Variants in TYW1B observed in about 807,000 individuals in gnomAD.
TYW1B encodes the protein tRNA-yW synthesizing protein 1 homolog B.
In TYW1B, 73 loss-of-function variants were observed where a neutral mutation model predicts 86.9. The ratio of observed to expected loss-of-function variants is 0.84; its 90% confidence interval spans 0.70 to 1.02. The LOEUF is 1.02. Ranked by LOEUF, TYW1B falls within the 50% of genes least tolerant of loss-of-function variation. TYW1B has a pLI of 0.00. For missense variants in TYW1B, 637 were observed against 827.4 expected (o/e 0.77, Z 2.82); for synonymous variants, 248 against 292.8 (o/e 0.85, Z 1.56).
chr7:72,773,179 GA>G (rs1378810397), intron 7 of TYW1B, among the ~76,000 whole-genome samples: 4 of 152,014 alleles, frequency 2.6e-5, no homozygotes, highest in African/African-American at 9.7e-5. Context: ...TTTAGGTAAA[GA>G]AAAAAACTGT....
chr7:72,690,917 G>GT (rs1554450219), intron 11 of TYW1B, among the ~76,000 whole-genome samples: 2 of 151,784 alleles, frequency 1.3e-5, no homozygotes, highest in East Asian at 1.9e-4. Flanking sequence ...CTGGCTAATT[G>GT]TTTTTTTGTA....
At chr7:72,587,867 A>G (rs1457976159) in intron 13 of TYW1B, among the ~76,000 whole-genome samples, 1 of 152,192 alleles carries the variant, frequency 6.6e-6, no homozygotes, top group African/African-American at 2.4e-5. Context: ...ATGAAGAAGG[A>G]CAGCTTGGGG....
intron 13 of TYW1B, among the ~76,000 whole-genome samples, chr7:72,612,292 A>G (rs1563029752): frequency 6.6e-6 from 1 of 152,184 alleles, no homozygotes; most frequent in Non-Finnish European, 1.5e-5. Flanking sequence ...CTGGGACAAA[A>G]AGTAGAATTC....
intron 8 of TYW1B, among the ~76,000 whole-genome samples, chr7:72,741,256 C>G (rs1787300269): frequency 6.6e-6 from 1 of 151,958 alleles, no homozygotes; most frequent in Non-Finnish European, 1.5e-5. Flanking sequence ...CTAAACAAAT[C>G]CAGAATATCA....
intron 12 of TYW1B, among the ~76,000 whole-genome samples, chr7:72,618,343 A>G (rs1812130540): frequency 6.7e-6 from 1 of 149,664 alleles, no homozygotes; most frequent in Non-Finnish European, 1.5e-5. Context: ...TAGCCTCCCA[A>G]GTAGCTGGGA....
intron 11 of TYW1B, among the ~76,000 whole-genome samples, chr7:72,632,056 G>A (rs1554439846): frequency 6.6e-6 from 1 of 151,548 alleles, no homozygotes; most frequent in Non-Finnish European, 1.5e-5. Context: ...CAGCACATTG[G>A]AAGGCCAAGA....
intron 11 of TYW1B, among the ~76,000 whole-genome samples, chr7:72,643,994 A>G (rs1290560745): frequency 2.6e-5 from 4 of 152,194 alleles, no homozygotes; most frequent in Non-Finnish European, 4.4e-5. Flanking sequence ...AACATCTTTT[A>G]AATAATAGTA....
At position 72,619,684 on chromosome 7, in the gene TYW1B, A is replaced by G. The variant is rs571049107; in HGVS notation, c.1618-2845T>C. 2.0e-5 allele frequency among the ~76,000 whole-genome samples: 3 copies of G among 151,926 alleles called. No homozygotes were observed. In the East Asian group the frequency reaches 5.8e-4, roughly 29 times the overall value. ...AAAAAAAAGAAATCATTACGAAAGC[A>G]TGGCTGAAAAACTGCTAGCCTTACC... is the stretch of plus-strand genomic sequence containing the variant. On this transcript the variant is annotated intron_variant, in intron 12 of 13. Coordinates refer to ENST00000620995, the MANE Select transcript of TYW1B (RefSeq NM_001145440.3).
intron 13 of TYW1B, among the ~76,000 whole-genome samples, chr7:72,604,143 T>C (rs1471563319): frequency 6.6e-6 from 1 of 152,114 alleles, no homozygotes; most frequent in African/African-American, 2.4e-5. Flanking sequence ...CAAAAACTTC[T>C]GTAAAACATA....
intron 2 of TYW1B, among the ~76,000 whole-genome samples, chr7:72,821,855 A>C (rs1313684612): frequency 3.3e-5 from 5 of 152,152 alleles, no homozygotes; most frequent in Non-Finnish European, 4.4e-5. Context: ...GTTTTGAGCA[A>C]ACTGATGTTA....
At position 72,782,161 on chromosome 7, in the gene TYW1B, T is replaced by C. The variant is rs1473027948; in HGVS notation, c.847-4628A>G. ...TTAATTAGCCAGGTGTGGTGGCACG[T>C]GCCTGTCATCCGAGCCACTTGGGAG... is the stretch of plus-strand genomic sequence containing the variant. On this transcript the variant is annotated intron_variant, in intron 6 of 13. Transcript: ENST00000620995. 2.0e-5 allele frequency among the ~76,000 whole-genome samples: 3 copies of C among 151,970 alleles called. No individual in the cohort carries two copies. In the East Asian group the frequency reaches 5.8e-4, roughly 30 times the overall value.
chr7:72,763,528 C>T (rs1244415010), intron 7 of TYW1B, among the ~76,000 whole-genome samples: 17 of 151,822 alleles, frequency 1.1e-4, no homozygotes, highest in Non-Finnish European at 1.8e-4. Flanking sequence ...GTGATCCACC[C>T]GCCTCGGCCT....
chr7:72,621,833 G>GT (rs1374579942), intron 12 of TYW1B, among the ~76,000 whole-genome samples: 1 of 152,154 alleles, frequency 6.6e-6, no homozygotes, highest in Admixed American at 6.6e-5. Flanking sequence ...TCTGTAACAG[G>GT]TATGAACCAG....
At chr7:72,774,381 G>GA (rs35641958) in intron 7 of TYW1B, among the ~76,000 whole-genome samples, 76,176 of 124,706 alleles carry the variant, frequency 0.61, 23,175 homozygotes, top group Non-Finnish European at 0.67. Context: ...TGTCCCAGGG[G>GA]AAAAAAAAAA....
chr7:72,812,253 T>G (rs1216035815), intron 3 of TYW1B, among the ~76,000 whole-genome samples: 1 of 152,030 alleles, frequency 6.6e-6, no homozygotes, highest in African/African-American at 2.4e-5. Flanking sequence ...TGTAGATAAC[T>G]TTATACAATA....
At chr7:72,745,854 GTGT>G (rs1787385375) in intron 7 of TYW1B, among the ~76,000 whole-genome samples, 4 of 7,918 alleles carry the variant, frequency 5.1e-4, no homozygotes, top group Non-Finnish European at 1.0e-3. Flanking sequence ...GTATAGGGGT[GTGT>G]GTGTGTGTGT....
At chr7:72,712,398 G>A (rs183109553) in intron 10 of TYW1B, among the ~76,000 whole-genome samples, 12 of 152,094 alleles carry the variant, frequency 7.9e-5, no homozygotes, top group Admixed American at 2.6e-4. Flanking sequence ...GTGCGATCTC[G>A]GCTCACCGAA....
chr7:72,797,178 G>A (rs545490482), intron 6 of TYW1B, among the ~76,000 whole-genome samples: 2 of 152,142 alleles, frequency 1.3e-5, no homozygotes, highest in Non-Finnish European at 2.9e-5. Context: ...CTAAGTAATA[G>A]ATTCAGGATG....
intron 11 of TYW1B, among the ~76,000 whole-genome samples, chr7:72,691,968 G>A (rs1332537722): frequency 1.3e-5 from 2 of 152,130 alleles, no homozygotes; most frequent in East Asian, 3.9e-4. Flanking sequence ...CACTTTGGGA[G>A]GTTGAGGCAG....
Sources: gnomAD v4.1 joint callset for allele counts (sites outside exome capture counted in the v4.1 genomes callset) on GRCh38, gnomAD v4.1.1 for gene constraint, MANE v1.5 for transcripts, NCBI Gene and HGNC (gene_info 2026-07-23, HGNC 2026-07-21) for gene names.